SH3PXD2A: variants seen among roughly 807,000 people sequenced by gnomAD.
The protein encoded by SH3PXD2A is SH3 and PX domain-containing protein 2A.
Under a neutral mutation model 115.2 loss-of-function variants are expected in SH3PXD2A, and 32 were observed. The ratio of observed to expected loss-of-function variants is 0.28; its 90% CI spans 0.21 to 0.37. The LOEUF (loss-of-function observed/expected upper bound fraction) is 0.37, where lower values mean the gene tolerates loss of function less well. SH3PXD2A is among the 10% of genes least tolerant of loss of function. SH3PXD2A has a pLI of 1.00. For synonymous variants in SH3PXD2A, 610 were observed against 629.1 expected, an observed-to-expected ratio of 0.97 and a Z score of 0.45; for missense variants, 1,328 against 1,498.7, an observed-to-expected ratio of 0.89 and a Z score of 1.88.
chr10:103,648,279 G>T (rs1192999081), intron 8 of SH3PXD2A, among the ~76,000 whole-genome samples: 1 of 152,172 alleles, frequency 6.6e-6, no homozygotes. Context: ...CCAATGTTTG[G>T]CTTTTGAGAT....
chr10:103,728,461 A>G (rs987595744), intron 4 of SH3PXD2A, among the ~76,000 whole-genome samples: 6 of 152,192 alleles, frequency 3.9e-5, no homozygotes, highest in Admixed American at 6.5e-5. Context: ...GCAGTTATAT[A>G]CTTGCTGTGT....
chr10:103,770,739 C>T (rs1019047575), intron 2 of SH3PXD2A, among the ~76,000 whole-genome samples: 8 of 152,098 alleles, frequency 5.3e-5, no homozygotes, highest in South Asian at 4.2e-4. Context: ...GGACCAGCTC[C>T]GGGGCTCTGC....
intron 3 of SH3PXD2A, among the ~76,000 whole-genome samples, chr10:103,749,199 GGGAGCAGCCTGGGCCTGGTC>G (rs2038545368): frequency 1.3e-5 from 2 of 152,068 alleles, no homozygotes; most frequent in East Asian, 3.9e-4. Flanking sequence ...CAGGAGCTCG[GGGAGCAGCCTGGGCCTGGTC>G]ACTGGCTGGG....
intron 3 of SH3PXD2A, among the ~76,000 whole-genome samples, chr10:103,760,245 G>A (rs985749428): frequency 3.9e-5 from 6 of 152,170 alleles, no homozygotes. Flanking sequence ...GGAACTTGGA[G>A]GAACAGGAGA....
intron 10 of SH3PXD2A, among the ~76,000 whole-genome samples, chr10:103,618,427 G>C (rs2036552861): frequency 6.6e-6 from 1 of 152,234 alleles, no homozygotes; most frequent in South Asian, 2.1e-4. Flanking sequence ...TGGCTAAAGA[G>C]TCCTTGCCTC....
At chr10:103,742,831 G>A (rs1263452880) in intron 3 of SH3PXD2A, among the ~76,000 whole-genome samples, 5 of 152,176 alleles carry the variant, frequency 3.3e-5, no homozygotes, top group African/African-American at 9.7e-5. Context: ...GAGAATGGGG[G>A]GGCGGGTCCT....
chr10:103,654,080 T>C (rs1314045181), intron 8 of SH3PXD2A, among the ~76,000 whole-genome samples: 1 of 152,042 alleles, frequency 6.6e-6, no homozygotes, highest in Admixed American at 6.6e-5. Flanking sequence ...TTCTCGACTA[T>C]GCTTGTCTTC....
At chr10:103,797,475 G>C (rs1031389371) in intron 2 of SH3PXD2A, among the ~76,000 whole-genome samples, 1 of 151,984 alleles carries the variant, frequency 6.6e-6, no homozygotes, top group Non-Finnish European at 1.5e-5. Context: ...CACCATCAGA[G>C]TTCTAAGTAC....
intron 8 of SH3PXD2A, among the ~76,000 whole-genome samples, chr10:103,636,867 A>G (rs191030775): frequency 7.2e-5 from 11 of 152,206 alleles, no homozygotes; most frequent in Admixed American, 7.2e-4. Flanking sequence ...GATGCTTCTT[A>G]ATCCCTTCTT....
At chr10:103,780,997 C>CCTG (rs1388074698) in intron 2 of SH3PXD2A, among the ~76,000 whole-genome samples, 2 of 152,202 alleles carry the variant, frequency 1.3e-5, no homozygotes, top group African/African-American at 4.8e-5. Flanking sequence ...GCCTGGCCTG[C>CCTG]CTGAGGTCTC....
intron 3 of SH3PXD2A, chr10:103,750,030 G>C (rs1260643924): frequency 2.0e-5 from 3 of 152,200 alleles, no homozygotes; most frequent in African/African-American, 7.2e-5. Flanking sequence ...CTGGCCCACA[G>C]AGACTATGCT....
At chr10:103,767,627 A>G (rs1401363472) in intron 2 of SH3PXD2A, among the ~76,000 whole-genome samples, 3 of 151,652 alleles carry the variant, frequency 2.0e-5, no homozygotes, top group African/African-American at 7.3e-5. Flanking sequence ...CCCACCTTCC[A>G]GAACCGTGCT....
chr10:103,634,305 A>T (rs750474309), intron 8 of SH3PXD2A, among the ~76,000 whole-genome samples: 5 of 152,256 alleles, frequency 3.3e-5, no homozygotes, highest in Non-Finnish European at 1.5e-5. Flanking sequence ...GTGCTTGGAC[A>T]TGATATGCAC....
At chr10:103,626,996 A>T in intron 9 of SH3PXD2A, 93 bp downstream of exon 9, 1 of 730,908 alleles carries the variant, frequency 1.4e-6, no homozygotes, top group Non-Finnish European at 2.4e-6. Context: ...GGCTCAGCTC[A>T]CTTTAGGGGT....
chr10:103,743,524 G>T (rs980972670), intron 3 of SH3PXD2A, among the ~76,000 whole-genome samples: 1 of 151,446 alleles, frequency 6.6e-6, no homozygotes, highest in African/African-American at 2.4e-5. Flanking sequence ...CGAAGTAACA[G>T]GTGCACACAA....
At chr10:103,761,949 C>T (rs891201530) in intron 3 of SH3PXD2A, among the ~76,000 whole-genome samples, 2 of 149,792 alleles carry the variant, frequency 1.3e-5, no homozygotes, top group African/African-American at 4.9e-5. Flanking sequence ...TGCAGTGAGA[C>T]TGGAGGGAAG....
rs192667652 is a variant in SH3PXD2A, at chr10:103,779,193, C to T, written c.154-12024G>A. 1.3e-3 allele frequency among the ~76,000 whole-genome samples: 198 copies of T among 152,316 alleles called. 1 individual carries two copies. Among genetic ancestry groups the T allele is most frequent in the African/African-American group, 1.7e-3 (69 of 41,564 alleles). ...AAGCGATTCTCCTGCCTCAGCCTCC[C>T]GAGTGGCTGGGATTACAGGCACCTG... On this transcript the variant is annotated intron_variant, in intron 2 of 14. Transcript: ENST00000369774.
At chr10:103,807,715 C>A (rs1466362488) in intron 1 of SH3PXD2A, among the ~76,000 whole-genome samples, 2 of 152,216 alleles carry the variant, frequency 1.3e-5, no homozygotes, top group African/African-American at 2.4e-5. Context: ...GCTGTCAATG[C>A]TCTCTAGGGT....
chr10:103,746,601 G>A lies in SH3PXD2A; in HGVS notation c.230-10793C>T, dbSNP rs1034130878. On this transcript the variant is annotated intron_variant, in intron 3 of 14. Transcript: ENST00000369774. The surrounding 1 kb of genome is among the most constrained non-coding windows in gnomAD (Gnocchi z 4.4). ...TGGGATTACAGACGTGAGCCACTGC[G>A]CCTGGCCTCAGAATAATATTCTCAA... is the stretch of plus-strand genomic sequence containing the variant. Among the ~76,000 whole-genome samples, 3 of 152,132 alleles carry A rather than the reference G, an allele frequency of 2.0e-5. No individual in the cohort carries two copies. Among genetic ancestry groups the A allele is most frequent in the African/African-American group, 7.2e-5 (3 of 41,412 alleles).
Sources: gnomAD v4.1 joint callset for allele counts (sites outside exome capture counted in the v4.1 genomes callset) on GRCh38, gnomAD v4.1.1 for gene constraint, Gnocchi (gnomAD v3.1) non-coding constraint, MANE v1.5 for transcripts, NCBI Gene and HGNC (gene_info 2026-07-23, HGNC 2026-07-21) for gene names.